ZNF668: variants seen among roughly 807,000 people sequenced by gnomAD.
The protein encoded by ZNF668 is zinc finger protein 668.
A neutral mutation model predicts 40.3 loss-of-function variants in ZNF668; 10 were observed. The observed-to-expected ratio is 0.25, with a 90% CI of 0.15 to 0.42. The LOEUF (loss-of-function observed/expected upper bound fraction) is 0.42. Ranked by LOEUF, ZNF668 falls within the 10% of genes least tolerant of loss-of-function variation. The pLI is 1.00. For missense variants in ZNF668, 749 were observed against 904.6 expected, an observed-to-expected ratio of 0.83 and a Z score of 2.21; for synonymous variants, 428 against 384.6, an observed-to-expected ratio of 1.11 and a Z score of -1.32.
intron 1 of ZNF668, among the ~76,000 whole-genome samples, chr16:31,068,220 T>TTAAAAAAAAA (rs1555498568): frequency 1.1e-4 from 1 of 9,380 alleles, no homozygotes; most frequent in African/African-American, 2.9e-4. Context: ...ATCCCACCAT[T>TTAAAAAAAAA]AAAAAAAAAA....
At chr16:31,070,248 C>G (rs565174835) in intron 1 of ZNF668, among the ~76,000 whole-genome samples, 125 of 149,914 alleles carry the variant, frequency 8.3e-4, no homozygotes, top group African/African-American at 3.0e-3. Flanking sequence ...TACTCTGTCC[C>G]CCAGGCTGGA....
At chr16:31,066,470 T>A (rs2056982341) in intron 1 of ZNF668, 1 of 722,284 alleles carries the variant, frequency 1.4e-6, no homozygotes, top group Non-Finnish European at 1.7e-6. Flanking sequence ...GGCGGGAGGA[T>A]CCTGTGAACC....
At chr16:31,072,725 C>G (rs2143783826) in intron 1 of ZNF668, 1 of 152,474 alleles carries the variant, frequency 6.6e-6, no homozygotes. Context: ...AGTTCACAAC[C>G]TGATCCCAAC....
chr16:31,061,237 C>T lies in ZNF668; in HGVS notation c.1691G>A (p.Arg564His). The change falls in exon 3 of 3, where the codon CGC becomes CAC. Residue 564 changes from arginine to histidine, a missense_variant. By Grantham distance (29) the Arg-to-His change is conservative. This residue lies in a region of ZNF668 where 310 missense variants were observed against 355.1 expected (regional missense o/e 0.87). Transcript: ENST00000300849. This position sits in a 1 kb window ranked among gnomAD's most constrained non-coding sequence, Gnocchi z 7.7. ...SDRAGLRKHS[R>H]THSSVRPYTC... ...GTAGGGGCGCACTGAGCTGTGAGTG[C>T]GGCTGTGTTTGCGCAGCCCAGCCCG... 1.3e-6 allele frequency: 2 copies of T among 1,534,878 alleles called. No individual in the cohort carries two copies. Among genetic ancestry groups the T allele is most frequent in the South Asian group, 1.3e-5 (1 of 77,854 alleles).
Position 31,061,390 on chromosome 16 carries a change from G to A in ZNF668, c.1538C>T (p.Pro513Leu), listed in dbSNP as rs906879708. The A allele has an allele frequency of 1.9e-6, 3 of 1,613,738 alleles. No homozygotes were observed. In the South Asian group the frequency reaches 3.3e-5, roughly 18 times the overall value. ...EAGGEEADEK[P>L]PQFVCRECKE... ...GCACTCTCGGCACACAAACTGGGGG[G>A]GCTTCTCGTCAGCCTCCTCACCCCC... Residue 513 changes from proline to leucine, a missense_variant, in exon 3 of 3, where the codon CCC becomes CTC. Physicochemically the swap from Pro to Leu is moderately conservative, Grantham distance 98 (BLOSUM62 -3). Transcript: ENST00000300849. The surrounding 1 kb of genome is among the most constrained non-coding windows in gnomAD (Gnocchi z 7.7).
At chr16:31,071,000 T>C (rs1208508737) in intron 1 of ZNF668, among the ~76,000 whole-genome samples, 2 of 151,932 alleles carry the variant, frequency 1.3e-5, no homozygotes, top group Non-Finnish European at 1.5e-5. Context: ...TATTTGGGAT[T>C]ACAGGTGCCT....
intron 1 of ZNF668, chr16:31,065,134 T>G: frequency 5.0e-6 from 5 of 1,003,088 alleles, no homozygotes; most frequent in Non-Finnish European, 5.9e-6. Flanking sequence ...CCCACAACTC[T>G]GGTAATGGAG....
intron 1 of ZNF668, chr16:31,064,941 T>G: frequency 7.4e-7 from 1 of 1,343,574 alleles, no homozygotes; most frequent in African/African-American, 1.5e-5. Flanking sequence ...GGGCTAAATC[T>G]GGTAGCTGGC....
rs776913055 is a variant in ZNF668 at position 31,064,401 on chromosome 16, C to T, written c.59G>A (p.Arg20His). 29 of 1,613,302 alleles carry T rather than the reference C, an allele frequency of 1.8e-5. No homozygotes were observed. The highest frequency in any genetic ancestry group is 4.0e-5 in the African/African-American group (3 of 74,942). The change falls in exon 2 of 3, where the codon CGC (arginine) becomes CAC (histidine). Residue 20 changes from arginine to histidine, a missense_variant. By Grantham distance (29) the Arg-to-His change is conservative (BLOSUM62 0). Coordinates refer to ENST00000300849, the MANE Select transcript of ZNF668 (RefSeq NM_024706.5). The stretch of plus-strand genomic sequence containing the variant: ...GGTACAGGACAGGCACTTGTAGCGG[C>T]GGCCCGAGCGCTTGTAGCCGGGGGC... ...SPAPGYKRSG[R>H]RYKCLSCTKT... is the part of the protein sequence containing the mutation.
chr16:31,071,082 C>G (rs903721879), intron 1 of ZNF668, among the ~76,000 whole-genome samples: 4 of 152,050 alleles, frequency 2.6e-5, no homozygotes, highest in Non-Finnish European at 1.5e-5. Context: ...TCTGGAACTC[C>G]TGACCTCAGG....
rs869069195 is a variant in ZNF668 at position 31,068,239 on chromosome 16, AATATAT to A, written c.-22-3764_-22-3759del. Among the ~76,000 whole-genome samples the A allele has an allele frequency of 2.1e-3, 170 of 82,922 alleles. 4 individuals are homozygous for A. The highest frequency in any genetic ancestry group is 8.5e-3 in the Middle Eastern group (1 of 118). The allele number at this position is 82,922 out of a possible 152,430, so 54.4% of individuals were successfully genotyped here. A position where few individuals can be genotyped will look rare whatever the true frequency, so the allele number is the denominator to read the frequency against. On this transcript the variant is annotated intron_variant, in intron 1 of 2. Coordinates refer to ENST00000300849, the MANE Select transcript of ZNF668 (RefSeq NM_024706.5). Reference sequence around the variant, plus strand: ...CACCATTAAAAAAAAAAAAAAAAAAAATATATATATATATATATATATATATAATTT... The same window carrying A: ...CACCATTAAAAAAAAAAAAAAAAAAAATATATATATATATATATATAATTT...
chr16:31,063,884 G>T lies in ZNF668; in HGVS notation c.576C>A (p.Gly192=). 1 of 1,594,544 alleles carries T rather than the reference G, an allele frequency of 6.3e-7. No individual in the cohort carries two copies. Among genetic ancestry groups the T allele is most frequent in the Non-Finnish European group, 8.5e-7 (1 of 1,171,026 alleles). The part of the protein sequence containing the change: ...VFRKHRRTHA[G]LRPYSCERCG... ...AACGCTCACAGCTGTAGGGCCGCAG[G>T]CCAGCGTGAGTACGCCGGTGCTTGC... Residue 192 remains glycine (G), a synonymous_variant, in exon 2 of 3, where the codon GGC becomes GGA. Coordinates refer to ENST00000300849, the MANE Select transcript of ZNF668 (RefSeq NM_024706.5).
intron 1 of ZNF668, among the ~76,000 whole-genome samples, chr16:31,068,537 T>A (rs2056995282): frequency 7.4e-6 from 1 of 134,236 alleles, no homozygotes; most frequent in African/African-American, 2.8e-5. Flanking sequence ...TTTTTTTTTT[T>A]ATTAAAGAGC....
chr16:31,065,215 G>C (rs2056972352), intron 1 of ZNF668: 1 of 845,372 alleles, frequency 1.2e-6, no homozygotes, highest in Non-Finnish European at 1.4e-6. Flanking sequence ...TGATGTATCT[G>C]ATCTAACATG....
chr16:31,064,438 C>T lies in ZNF668; in HGVS notation c.22G>A (p.Ala8Thr). Residue 8 changes from alanine to threonine, a missense_variant, in exon 2 of 3, where the codon GCC becomes ACC. This residue lies in a region of ZNF668 where 159 missense variants were observed against 139.8 expected (regional missense o/e 1.14). Transcript: ENST00000300849. MEVEAAEARSPAPGYKRS... is the reference protein window; with the variant it reads MEVEAAETRSPAPGYKRS... The stretch of plus-strand genomic sequence containing the variant: ...TTGTAGCCGGGGGCTGGGGACCGGG[C>T]CTCTGCAGCCTCCACTTCCATGGCC... The T allele has an allele frequency of 6.2e-7, 1 of 1,611,184 alleles. No homozygotes were observed. The highest frequency in any genetic ancestry group is 8.5e-7 in the Non-Finnish European group (1 of 1,179,858).
intron 1 of ZNF668, chr16:31,066,258 G>C: frequency 2.0e-6 from 2 of 985,392 alleles, no homozygotes; most frequent in South Asian, 4.7e-5. Flanking sequence ...GGTCCTTCCT[G>C]CTTGTTCCAA....
chr16:31,061,665 A>G lies in ZNF668; in HGVS notation c.1263T>C (p.Gly421=), dbSNP rs1596750425. 1 of 1,613,010 alleles carries G rather than the reference A, an allele frequency of 6.2e-7. No homozygotes were observed. Among genetic ancestry groups the G allele is most frequent in the East Asian group, 2.2e-5 (1 of 44,834 alleles). The change falls in exon 3 of 3, where the codon GGT becomes GGC. Residue 421 remains glycine, a synonymous_variant. Transcript: ENST00000300849. This position sits in a 1 kb window ranked among gnomAD's most constrained non-coding sequence, Gnocchi z 7.7. ...CCACCAGCTCCTGTGCAGGGGGCAC[A>G]CCCGCGGCCTCACTGCTTCGATGGG... ...ERTHRSSEAA[G]VPPAQELVVG...
chr16:31,067,310 G>A (rs1306850743), intron 1 of ZNF668, among the ~76,000 whole-genome samples: 1 of 152,188 alleles, frequency 6.6e-6, no homozygotes, highest in Non-Finnish European at 1.5e-5. Context: ...CTCCTTATGT[G>A]TATTAGCTCA....
At chr16:31,066,709 A>G (rs1249269235) in intron 1 of ZNF668, among the ~76,000 whole-genome samples, 1 of 151,336 alleles carries the variant, frequency 6.6e-6, no homozygotes, top group East Asian at 2.0e-4. Context: ...GTCTCAATCA[A>G]TCAATCAATC....
Sources: allele counts gnomAD v4.1 joint callset (sites outside exome capture counted in the v4.1 genomes callset), GRCh38; gene constraint gnomAD v4.1.1; regional missense constraint gnomAD v4.1.1; non-coding constraint Gnocchi (gnomAD v3.1); transcripts MANE v1.5; gene names NCBI Gene and HGNC (gene_info 2026-07-23, HGNC 2026-07-21).